Variants in SYNE2 observed in about 807,000 individuals in gnomAD.
SYNE2 encodes nesprin-2.
In SYNE2, 431 loss-of-function variants were observed where a neutral mutation model predicts 856.3. That is an observed-to-expected ratio of 0.50 (90% CI 0.47 to 0.55). The LOEUF (loss-of-function observed/expected upper bound fraction) is 0.55, where lower values mean the gene tolerates loss of function less well. Among genes scored for constraint, SYNE2 ranks in the 20% least tolerant of loss-of-function variants. The probability of loss-of-function intolerance (pLI) is 0.00; values close to 1 mark genes in which losing one functional copy is unlikely to be tolerated. For missense variants in SYNE2, 8,129 were observed against 8,023.2 expected (o/e 1.01, Z -0.50); for synonymous variants, 2,923 against 2,872.3 (o/e 1.02, Z -0.56).
intron 45 of SYNE2, among the ~76,000 whole-genome samples, chr14:64,035,360 A>T (rs532339406): frequency 6.6e-6 from 1 of 152,186 alleles, no homozygotes; most frequent in South Asian, 2.1e-4. Context: ...CAGTAGAAAA[A>T]AAAAAGTTAT....
chr14:63,896,775 G>C (rs1168304049), intron 1 of SYNE2, among the ~76,000 whole-genome samples: 1 of 152,106 alleles, frequency 6.6e-6, no homozygotes, highest in Non-Finnish European at 1.5e-5. Flanking sequence ...AAATTTTAAA[G>C]AGTTAATAAT....
chr14:64,053,285 G>A lies in SYNE2; in HGVS notation c.9372G>A (p.Lys3124=), dbSNP rs370867778. ...AGGAGAAAGAAATACTACAAATAAAGCTGAATGCAGAAGAAAATGATAAGT... is the reference window on the plus strand; with the variant it reads ...AGGAGAAAGAAATACTACAAATAAAACTGAATGCAGAAGAAAATGATAAGT... ...SFKEKEILQI[K]LNAEENDKLY... is the part of the protein sequence containing the mutation. Residue 3124 remains lysine, a synonymous_variant, in exon 48 of 116, where the codon AAG becomes AAA. Coordinates refer to ENST00000555002, the MANE Select transcript of SYNE2 (RefSeq NM_182914.3). The A allele has an allele frequency of 6.2e-7, 1 of 1,608,290 alleles. No homozygotes were observed. Among genetic ancestry groups the A allele is most frequent in the African/African-American group, 1.3e-5 (1 of 74,454 alleles).
intron 46 of SYNE2, chr14:64,048,369 C>T: frequency 2.6e-6 from 1 of 378,082 alleles, no homozygotes; most frequent in South Asian, 5.2e-5. Context: ...CATTAGTCTT[C>T]TTTCTATTTC....
Position 64,158,701 on chromosome 14 carries a change from A to C in SYNE2, c.15869A>C (p.Asn5290Thr). The C allele has an allele frequency of 3.1e-6, 5 of 1,614,036 alleles. No homozygotes were observed. Among genetic ancestry groups the C allele is most frequent in the Non-Finnish European group, 4.2e-6 (5 of 1,179,912 alleles). ...TATGATCAACTCTATGATGAAGTGA[A>C]TATGATGACAATCCGATTCTGGTAC... ...KIYDQLYDEV[N>T]MMTIRFWYCM... Residue 5290 changes from asparagine (N) to threonine (T), a missense_variant, in exon 86 of 116, where the codon AAT becomes ACT. Around this residue, in one of 3 missense-constraint regions of SYNE2, gnomAD observed 5,410 missense variants for 5,284.8 expected, o/e 1.02. Coordinates refer to ENST00000555002, the MANE Select transcript of SYNE2 (RefSeq NM_182914.3).
intron 11 of SYNE2, among the ~76,000 whole-genome samples, chr14:63,968,549 A>G (rs2096428135): frequency 6.6e-6 from 1 of 152,136 alleles, no homozygotes; most frequent in Non-Finnish European, 1.5e-5. Flanking sequence ...GTCTGAATAT[A>G]TCTGTATAAT....
intron 1 of SYNE2, among the ~76,000 whole-genome samples, chr14:63,906,937 G>A (rs1033116713): frequency 2.6e-5 from 4 of 152,142 alleles, no homozygotes; most frequent in East Asian, 3.9e-4. Flanking sequence ...ATGGTAGAAC[G>A]GGTAAGGAGT....
In SYNE2 at chr14:63,961,576, A is replaced by T; in HGVS notation, c.839A>T (p.Gln280Leu). 6.2e-7 allele frequency: 1 copy of T among 1,614,158 alleles called. No individual in the cohort carries two copies. The highest frequency in any genetic ancestry group is 8.5e-7 in the Non-Finnish European group (1 of 1,179,998). Residue 280 changes from glutamine (Q) to leucine (L), a missense_variant, in exon 9 of 116, where the codon CAG becomes CTG. Transcript: ENST00000555002. The part of the protein sequence containing the change: ...DEKSIMTYVA[Q>L]FLQYSKDAPG... ...AAGTCCATCATGACCTATGTGGCAC[A>T]GTTTCTGCAGTATTCCAAAGATGCC... is the stretch of plus-strand genomic sequence containing the variant.
intron 1 of SYNE2, among the ~76,000 whole-genome samples, chr14:63,836,645 G>A (rs186088951): frequency 2.8e-4 from 43 of 152,098 alleles, no homozygotes; most frequent in African/African-American, 7.7e-4. Flanking sequence ...GTCATTTACC[G>A]TTCCCACTAC....
chr14:64,133,246 A>G (rs2098043919), intron 77 of SYNE2, among the ~76,000 whole-genome samples: 1 of 152,010 alleles, frequency 6.6e-6, no homozygotes, highest in Non-Finnish European at 1.5e-5. Flanking sequence ...TTAACTTGAT[A>G]GTGTAATATG....
intron 61 of SYNE2, among the ~76,000 whole-genome samples, chr14:64,093,842 T>G (rs1452520308): frequency 1.3e-5 from 2 of 152,122 alleles, no homozygotes; most frequent in African/African-American, 4.8e-5. Context: ...TGAAGCATTT[T>G]GATGTGAATT....
intron 45 of SYNE2, among the ~76,000 whole-genome samples, chr14:64,037,974 T>G (rs2097110174): frequency 1.3e-5 from 2 of 149,898 alleles, no homozygotes; most frequent in Non-Finnish European, 3.0e-5. Flanking sequence ...ACGGGGCGGC[T>G]GCCGGGCGGA....
At chr14:63,798,405 T>C (rs1000469327) in intron 1 of SYNE2, among the ~76,000 whole-genome samples, 1 of 151,594 alleles carries the variant, frequency 6.6e-6, no homozygotes, top group Admixed American at 6.6e-5. Flanking sequence ...TTTCTTTTTT[T>C]TTTTTGAGAC....
intron 70 of SYNE2, among the ~76,000 whole-genome samples, chr14:64,123,018 G>C (rs1410795867): frequency 3.3e-5 from 5 of 151,624 alleles, no homozygotes; most frequent in Non-Finnish European, 7.4e-5. Flanking sequence ...AGAATTGCTT[G>C]AACCTGGGAG....
At chr14:63,786,965 G>T (rs1376280597) in intron 1 of SYNE2, among the ~76,000 whole-genome samples, 1 of 152,082 alleles carries the variant, frequency 6.6e-6, no homozygotes, top group Non-Finnish European at 1.5e-5. Context: ...GTTTCGCCAT[G>T]TTGCCCAGCT....
intron 88 of SYNE2, 95 bp from the exon 89 acceptor site, chr14:64,163,307 C>T: frequency 7.1e-7 from 1 of 1,409,376 alleles, no homozygotes; most frequent in Non-Finnish European, 9.9e-7. Context: ...GTTTTCAGGG[C>T]AAATATTCTC....
intron 96 of SYNE2, among the ~76,000 whole-genome samples, chr14:64,183,601 G>A (rs1157898215): frequency 6.6e-5 from 10 of 151,272 alleles, no homozygotes; most frequent in African/African-American, 1.5e-4. Flanking sequence ...CCGAGATCAC[G>A]CCACTGCACT....
At chr14:63,975,062 A>G (rs1421132771) in intron 11 of SYNE2, among the ~76,000 whole-genome samples, 1 of 151,082 alleles carries the variant, frequency 6.6e-6, no homozygotes, top group East Asian at 1.9e-4. Context: ...TTCTCTGGAT[A>G]GGTGGTTCAG....
At chr14:63,771,620 C>T (rs898160724) in intron 1 of SYNE2, among the ~76,000 whole-genome samples, 5 of 152,164 alleles carry the variant, frequency 3.3e-5, no homozygotes, top group East Asian at 1.9e-4. Flanking sequence ...AAACACAGGC[C>T]GGGCATGGTG....
intron 11 of SYNE2, among the ~76,000 whole-genome samples, chr14:63,971,459 CAT>C (rs1162171278): frequency 6.6e-6 from 1 of 151,946 alleles, no homozygotes; most frequent in Non-Finnish European, 1.5e-5. Flanking sequence ...CTTTTTGTAA[CAT>C]GTAGAAATCC....
Sources: allele counts gnomAD v4.1 joint callset (sites outside exome capture counted in the v4.1 genomes callset), GRCh38; gene constraint gnomAD v4.1.1; regional missense constraint gnomAD v4.1.1; transcripts MANE v1.5; gene names NCBI Gene and HGNC (gene_info 2026-07-23, HGNC 2026-07-21).